Variants in SPAG16 observed in about 807,000 individuals in gnomAD.
The protein encoded by SPAG16 is sperm associated antigen 16, also known as sperm-associated antigen 16 protein.
Under a neutral mutation model 80.4 loss-of-function variants are expected in SPAG16, and 86 were observed. The observed-to-expected ratio is 1.07, with a 90% CI of 0.90 to 1.28. The LOEUF is 1.28. SPAG16 is among the 50% of genes most tolerant of loss of function. The pLI is 0.00. For synonymous variants in SPAG16, 294 were observed against 265.9 expected (o/e 1.11, Z -1.03); for missense variants, 870 against 765.3 (o/e 1.14, Z -1.61).
intron 15 of SPAG16, among the ~76,000 whole-genome samples, chr2:214,291,354 G>A (rs1305065505): frequency 8.3e-6 from 1 of 120,026 alleles, no homozygotes; most frequent in East Asian, 2.7e-4. Context: ...CGCCCAGGCT[G>A]GAGTGCAGTG....
At chr2:213,599,107 G>A (rs2124962174) in intron 10 of SPAG16, among the ~76,000 whole-genome samples, 1 of 152,116 alleles carries the variant, frequency 6.6e-6, no homozygotes, top group East Asian at 1.9e-4. Flanking sequence ...ATTCTTTCCA[G>A]AATTTAAAGA....
At chr2:213,384,604 G>A (rs2067330136) in intron 9 of SPAG16, among the ~76,000 whole-genome samples, 1 of 152,164 alleles carries the variant, frequency 6.6e-6, no homozygotes, top group Non-Finnish European at 1.5e-5. Context: ...CTCTGGGGAA[G>A]GAATGGAGGA....
At chr2:213,991,993 T>C (rs1359426258) in intron 12 of SPAG16, among the ~76,000 whole-genome samples, 1 of 152,094 alleles carries the variant, frequency 6.6e-6, no homozygotes, top group African/African-American at 2.4e-5. Context: ...TAATGAAGAC[T>C]TGTTTTGTGT....
chr2:213,907,345 G>T (rs539044973), intron 11 of SPAG16, among the ~76,000 whole-genome samples: 22 of 152,090 alleles, frequency 1.4e-4, no homozygotes, highest in African/African-American at 5.1e-4. Context: ...TCTCACCCTA[G>T]TTAGAATGGC....
intron 12 of SPAG16, among the ~76,000 whole-genome samples, chr2:213,949,989 G>A (rs932661703): frequency 6.6e-6 from 1 of 152,120 alleles, no homozygotes; most frequent in Admixed American, 6.5e-5. Flanking sequence ...TATAATGTAG[G>A]ATCAGAAGTA....
rs373189915 is a variant in SPAG16, at chr2:214,270,972, C to T, written c.1720+121706C>T. ...ACCTTTTTCCCGAATATACCCACTG[C>T]GCAGAAAACAGTGCCCAATAGAAAG... is the stretch of plus-strand genomic sequence containing the variant. On this transcript the variant is annotated intron_variant, in intron 15 of 15. Coordinates refer to ENST00000331683, the MANE Select transcript of SPAG16 (RefSeq NM_024532.5). Among the ~76,000 whole-genome samples the T allele has an allele frequency of 6.5e-4, 99 of 152,110 alleles. 1 individual carries two copies. Among genetic ancestry groups the T allele is most frequent in the African/African-American group, 2.1e-3 (88 of 41,498 alleles).
intron 10 of SPAG16, among the ~76,000 whole-genome samples, chr2:213,744,835 C>G (rs576523448): frequency 3.3e-4 from 50 of 152,296 alleles, no homozygotes; most frequent in African/African-American, 1.2e-3. Flanking sequence ...TTAGATACAC[C>G]TTTACCACTT....
chr2:214,264,016 T>G (rs1313828342), intron 15 of SPAG16, among the ~76,000 whole-genome samples: 1 of 152,194 alleles, frequency 6.6e-6, no homozygotes, highest in African/African-American at 2.4e-5. Context: ...AAGCACAAAG[T>G]GGCATCTACC....
In SPAG16 at chr2:213,813,685, G is replaced by A. The variant is rs758963542; in HGVS notation, c.1071-48800G>A. Reference sequence around the variant, plus strand: ...CCTGTGCTGATACAGAAGCAGAGGCGGTCTGCTGCTACTGGAGAAGGAACT... The same window carrying A: ...CCTGTGCTGATACAGAAGCAGAGGCAGTCTGCTGCTACTGGAGAAGGAACT... On this transcript the variant is annotated intron_variant, in intron 10 of 15. Transcript: ENST00000331683. Among the ~76,000 whole-genome samples the A allele has an allele frequency of 6.4e-4, 98 of 152,058 alleles. 1 individual carries two copies. The highest frequency in any genetic ancestry group is 3.4e-4 in the African/African-American group (14 of 41,400).
chr2:214,210,779 G>T (rs2058269826), intron 15 of SPAG16, among the ~76,000 whole-genome samples: 1 of 151,694 alleles, frequency 6.6e-6, no homozygotes, highest in African/African-American at 2.4e-5. Context: ...TTTTAATGAG[G>T]TAACCAAAAG....
chr2:214,229,427 T>C (rs1274835372), intron 15 of SPAG16, among the ~76,000 whole-genome samples: 1 of 151,798 alleles, frequency 6.6e-6, no homozygotes, highest in Non-Finnish European at 1.5e-5. Flanking sequence ...GTGCAAACAT[T>C]TTTAATTTTC....
intron 12 of SPAG16, among the ~76,000 whole-genome samples, chr2:213,969,013 G>C (rs960330536): frequency 1.3e-5 from 2 of 152,190 alleles, no homozygotes; most frequent in African/African-American, 4.8e-5. Context: ...GCAGAGCTAA[G>C]CAAGCATAGA....
chr2:213,898,189 C>T lies in SPAG16; in HGVS notation c.1215-31771C>T, dbSNP rs113592244. 2.6e-5 allele frequency among the ~76,000 whole-genome samples: 4 copies of T among 152,210 alleles called. 1 individual carries two copies. The highest frequency in any genetic ancestry group is 9.6e-5 in the African/African-American group (4 of 41,562). On this transcript the variant is annotated intron_variant, in intron 11 of 15. Transcript: ENST00000331683. ...AGAAAGACTATGTATGTTTCAGAAA[C>T]AAAGCTTTTAAATGGCAAAGATGTG...
At chr2:214,043,525 A>AT (rs1476890238) in intron 13 of SPAG16, among the ~76,000 whole-genome samples, 1 of 151,966 alleles carries the variant, frequency 6.6e-6, no homozygotes, top group South Asian at 2.1e-4. Flanking sequence ...TCTCTTTTGT[A>AT]TTTTTTTCTA....
At chr2:214,360,815 C>G (rs1300406572) in intron 15 of SPAG16, among the ~76,000 whole-genome samples, 1 of 151,712 alleles carries the variant, frequency 6.6e-6, no homozygotes, top group Non-Finnish European at 1.5e-5. Context: ...CAGGGGAGTC[C>G]CAAAATATAT....
chr2:213,719,459 C>T lies in SPAG16; in HGVS notation c.1071-143026C>T, dbSNP rs538589111. On this transcript the variant is annotated intron_variant, in intron 10 of 15. Coordinates refer to ENST00000331683, the MANE Select transcript of SPAG16 (RefSeq NM_024532.5). ...GTATCTAACTAATCTGATGCAGAGG[C>T]GGAGAACCTTTGTATCTAGCTCAGG... Among the ~76,000 whole-genome samples the T allele has an allele frequency of 7.9e-5, 12 of 152,054 alleles. No homozygotes were observed. In the East Asian group the frequency reaches 1.9e-3, roughly 24 times the overall value.
chr2:214,044,373 C>G (rs374845177), intron 13 of SPAG16, among the ~76,000 whole-genome samples: 1 of 152,204 alleles, frequency 6.6e-6, no homozygotes, highest in African/African-American at 2.4e-5. Context: ...TTCTCCCAAT[C>G]AACAGAGTTG....
At chr2:214,202,302 A>C (rs756543365) in intron 15 of SPAG16, among the ~76,000 whole-genome samples, 2 of 152,218 alleles carry the variant, frequency 1.3e-5, no homozygotes, top group Non-Finnish European at 2.9e-5. Flanking sequence ...GTCTGTATTT[A>C]AATTGATGAC....
intron 10 of SPAG16, among the ~76,000 whole-genome samples, chr2:213,655,069 G>T (rs1176793615): frequency 6.6e-6 from 1 of 152,136 alleles, no homozygotes; most frequent in Admixed American, 6.5e-5. Flanking sequence ...TCATAAATTT[G>T]TCCAAACCCA....
Sources: allele counts gnomAD v4.1 joint callset (sites outside exome capture counted in the v4.1 genomes callset), GRCh38; gene constraint gnomAD v4.1.1; transcripts MANE v1.5; gene names NCBI Gene and HGNC (gene_info 2026-07-23, HGNC 2026-07-21).